Variants in PCDHGA7 observed in about 807,000 individuals in gnomAD.
The protein encoded by PCDHGA7 is protocadherin gamma-A7.
A neutral mutation model predicts 58.3 loss-of-function variants in PCDHGA7; 44 were observed. The ratio of observed to expected loss-of-function variants is 0.75; its 90% CI spans 0.59 to 0.97. The LOEUF is 0.97. PCDHGA7 is among the 50% of genes least tolerant of loss of function. The probability of loss-of-function intolerance (pLI) is 0.00; values close to 1 mark genes in which losing one functional copy is unlikely to be tolerated. For missense variants in PCDHGA7, 1,266 were observed against 1,188.7 expected, an observed-to-expected ratio of 1.06 and a Z score of -0.96; for synonymous variants, 516 against 504.2, an observed-to-expected ratio of 1.02 and a Z score of -0.31.
intron 3 of PCDHGA7, among the ~76,000 whole-genome samples, chr5:141,510,208 G>A (rs560746333): frequency 2.0e-5 from 3 of 151,866 alleles, no homozygotes; most frequent in Admixed American, 1.3e-4. Context: ...AGGAGGCAGA[G>A]GTTGCAGTGA....
intron 1 of PCDHGA7, chr5:141,402,869 C>G (rs1051518401): frequency 6.7e-5 from 97 of 1,448,564 alleles, no homozygotes; most frequent in Admixed American, 6.1e-4. Flanking sequence ...GAAAAGATCA[C>G]CATACTTTGC....
intron 1 of PCDHGA7, chr5:141,400,023 C>T (rs755667675): frequency 1.1e-5 from 18 of 1,612,872 alleles, no homozygotes; most frequent in Non-Finnish European, 1.3e-5. Context: ...GCGACAGGGA[C>T]GCGGCCCGCC....
intron 1 of PCDHGA7, chr5:141,419,386 G>T: frequency 2.5e-6 from 4 of 1,613,650 alleles, no homozygotes; most frequent in Non-Finnish European, 3.4e-6. Context: ...CCGTGAGCGC[G>T]CAGAGCGGGG....
intron 1 of PCDHGA7, chr5:141,395,193 T>C (rs748986857): frequency 1.2e-6 from 2 of 1,614,024 alleles, no homozygotes; most frequent in South Asian, 1.1e-5. Flanking sequence ...TTTGTTAACA[T>C]CCGTAGATTT....
rs2099664737 is a variant in PCDHGA7, at chr5:141,487,754, G to GTAGAC, written c.2425-7052_2425-7048dup. 1 of 1,552,036 alleles carries GTAGAC rather than the reference G, an allele frequency of 6.4e-7. No homozygotes were observed. The highest frequency in any genetic ancestry group is 1.4e-5 in the African/African-American group (1 of 73,242). ...CATTTTTGTAAGAGGTAACTATGTG[G>GTAGAC]TAGACGCTGTGCTTTGTAACTGTTT... On this transcript the variant is annotated intron_variant, in intron 1 of 3. Transcript: ENST00000518325. This position sits in a 1 kb window ranked among gnomAD's most constrained non-coding sequence, Gnocchi z 5.0.
At chr5:141,500,241 C>T (rs1284996879) in intron 2 of PCDHGA7, among the ~76,000 whole-genome samples, 18 of 150,770 alleles carry the variant, frequency 1.2e-4, no homozygotes, top group Non-Finnish European at 1.5e-5. Flanking sequence ...CGTAGCCTTG[C>T]TCTGTCACCC....
intron 1 of PCDHGA7, chr5:141,427,703 C>T (rs529490424): frequency 1.0e-6 from 1 of 957,508 alleles, no homozygotes. Flanking sequence ...CACAAGTCAG[C>T]GCCTCTGACC....
chr5:141,482,102 A>T (rs1016315214), intron 1 of PCDHGA7, among the ~76,000 whole-genome samples: 13 of 151,860 alleles, frequency 8.6e-5, no homozygotes, highest in African/African-American at 2.7e-4. Context: ...AAAAAAAAAA[A>T]AAATATCTAG....
chr5:141,448,928 G>C (rs2098617520), intron 1 of PCDHGA7, among the ~76,000 whole-genome samples: 1 of 152,166 alleles, frequency 6.6e-6, no homozygotes, highest in Non-Finnish European at 1.5e-5. Context: ...CTGGGCGACA[G>C]AGCAAGACTG....
chr5:141,488,748 T>C (rs2099679003), intron 1 of PCDHGA7, among the ~76,000 whole-genome samples: 1 of 152,270 alleles, frequency 6.6e-6, no homozygotes, highest in African/African-American at 2.4e-5. Flanking sequence ...ATGCAGGAAG[T>C]TGCTGGGACA....
intron 1 of PCDHGA7, among the ~76,000 whole-genome samples, chr5:141,447,805 G>A (rs1389870133): frequency 2.0e-5 from 3 of 152,064 alleles, no homozygotes; most frequent in Admixed American, 2.0e-4. Context: ...AATAAAATTG[G>A]CTGGGCGTGG....
intron 1 of PCDHGA7, chr5:141,385,966 G>T (rs968695297): frequency 6.6e-6 from 1 of 152,176 alleles, no homozygotes. Context: ...AAGGCCATCG[G>T]ACAAAACCAA....
At chr5:141,433,237 A>G in intron 1 of PCDHGA7, 1 of 1,495,940 alleles carries the variant, frequency 6.7e-7, no homozygotes, top group South Asian at 1.3e-5. Flanking sequence ...TCTGTCTCCC[A>G]AGCTGGAATG....
At chr5:141,413,449 G>T in intron 1 of PCDHGA7, 2 of 1,614,120 alleles carry the variant, frequency 1.2e-6, no homozygotes, top group South Asian at 2.2e-5. Context: ...GATCACCGCG[G>T]GCAGGATAGA....
intron 1 of PCDHGA7, chr5:141,413,736 G>C: frequency 6.2e-7 from 1 of 1,613,452 alleles, no homozygotes; most frequent in South Asian, 1.1e-5. Context: ...TAAGAGTTCA[G>C]AGCCGTGCCA....
rs751134591 is a variant in PCDHGA7 at position 141,384,411 on chromosome 5, T to C, written c.1512T>C (p.Tyr504=). 7 of 1,613,860 alleles carry C rather than the reference T, an allele frequency of 4.3e-6. No homozygotes were observed. Among genetic ancestry groups the C allele is most frequent in the South Asian group, 1.1e-5 (1 of 91,094 alleles). The stretch of plus-strand genomic sequence containing the variant: ...TCCAGGGGGCTCCAGTGTCCTCCTA[T>C]GTCTCCATAAACTCTGACACTGGAG... The part of the protein sequence containing the change: ...DTIQGAPVSS[Y]VSINSDTGVL... The change falls in exon 1 of 4, where the codon TAT becomes TAC. Residue 504 remains tyrosine, a synonymous_variant. Transcript: ENST00000518325.
intron 1 of PCDHGA7, chr5:141,413,119 G>C: frequency 6.6e-7 from 1 of 1,522,222 alleles, no homozygotes; most frequent in Non-Finnish European, 8.8e-7. Flanking sequence ...AAAGGAACCG[G>C]TTGAAACACA....
At position 141,384,421 on chromosome 5, in the gene PCDHGA7, A is replaced by T. The variant is rs764678416; in HGVS notation, c.1522A>T (p.Asn508Tyr). The T allele has an allele frequency of 1.9e-6, 3 of 1,613,914 alleles. No homozygotes were observed. In the South Asian group the frequency reaches 3.3e-5, roughly 18 times the overall value. The part of the protein sequence containing the change: ...GAPVSSYVSI[N>Y]SDTGVLYALQ... ...TCCAGTGTCCTCCTATGTCTCCATA[A>T]ACTCTGACACTGGAGTCCTGTACGC... The change falls in exon 1 of 4, where the codon AAC (asparagine) becomes TAC (tyrosine). Residue 508 changes from asparagine (N) to tyrosine (Y), a missense_variant. Transcript: ENST00000518325.
chr5:141,386,009 G>T (rs956571005), intron 1 of PCDHGA7: 7 of 152,222 alleles, frequency 4.6e-5, no homozygotes, highest in Non-Finnish European at 8.8e-5. Context: ...CATTTTAAGT[G>T]TTGTAATTGG....
Sources: allele counts gnomAD v4.1 joint callset (sites outside exome capture counted in the v4.1 genomes callset), GRCh38; gene constraint gnomAD v4.1.1; non-coding constraint Gnocchi (gnomAD v3.1); transcripts MANE v1.5; gene names NCBI Gene and HGNC (gene_info 2026-07-23, HGNC 2026-07-21).